The following ROR2 variants were observed in gnomAD, a reference collection of about 807,000 sequenced individuals.
ROR2 encodes ROR family WNT receptor 2.
A neutral mutation model predicts 74.9 loss-of-function variants in ROR2; 33 were observed. That is an observed-to-expected ratio of 0.44 (90% CI 0.33 to 0.59). The LOEUF (loss-of-function observed/expected upper bound fraction) is 0.59, where lower values mean the gene tolerates loss of function less well. Ranked by LOEUF, ROR2 falls within the 20% of genes least tolerant of loss-of-function variation. ROR2 has a pLI of 0.02. For missense variants in ROR2, 1,216 were observed against 1,313.8 expected, an observed-to-expected ratio of 0.93 and a Z score of 1.15; for synonymous variants, 586 against 558.7, an observed-to-expected ratio of 1.05 and a Z score of -0.69.
chr9:91,805,948 G>A (rs549557569), intron 1 of ROR2, among the ~76,000 whole-genome samples: 1 of 152,326 alleles, frequency 6.6e-6, no homozygotes, highest in African/African-American at 2.4e-5. Context: ...CAAAGCCTCA[G>A]TAAGTATATT....
intron 1 of ROR2, among the ~76,000 whole-genome samples, chr9:91,870,278 C>T (rs970441574): frequency 6.6e-6 from 1 of 152,140 alleles, no homozygotes; most frequent in Non-Finnish European, 1.5e-5. Flanking sequence ...CTTGACTGAT[C>T]CCAACTGTCC....
At chr9:91,791,240 T>C (rs1035967971) in intron 1 of ROR2, among the ~76,000 whole-genome samples, 1 of 152,212 alleles carries the variant, frequency 6.6e-6, no homozygotes, top group Non-Finnish European at 1.5e-5. Flanking sequence ...ACTTTTTCTA[T>C]ATTTAGATAC....
intron 1 of ROR2, among the ~76,000 whole-genome samples, chr9:91,890,998 T>C (rs1830406237): frequency 1.3e-5 from 2 of 152,220 alleles, no homozygotes; most frequent in South Asian, 2.1e-4. Flanking sequence ...TCTTTTAACA[T>C]AGTACCAGGG....
chr9:91,736,847 C>T (rs556537322), intron 5 of ROR2, among the ~76,000 whole-genome samples: 53 of 152,154 alleles, frequency 3.5e-4, no homozygotes, highest in Admixed American at 7.2e-4. Context: ...TACCCAAAGA[C>T]GTGGCTTTGT....
intron 1 of ROR2, among the ~76,000 whole-genome samples, chr9:91,822,558 T>C (rs1350666208): frequency 2.0e-5 from 3 of 152,162 alleles, no homozygotes; most frequent in Non-Finnish European, 4.4e-5. Context: ...TTCTTTTCAG[T>C]AGAAATGGCA....
intron 1 of ROR2, among the ~76,000 whole-genome samples, chr9:91,812,944 C>T (rs563926952): frequency 2.0e-5 from 3 of 152,244 alleles, no homozygotes; most frequent in Non-Finnish European, 4.4e-5. Context: ...CATCTGTCTC[C>T]TTACCGTAGA....
intron 1 of ROR2, among the ~76,000 whole-genome samples, chr9:91,838,062 G>A (rs1010422015): frequency 3.9e-5 from 6 of 152,248 alleles, no homozygotes; most frequent in Middle Eastern, 3.4e-3. Flanking sequence ...TTACTGCCTT[G>A]TCTGGGAGTT....
At chr9:91,868,030 T>A (rs1829693285) in intron 1 of ROR2, among the ~76,000 whole-genome samples, 1 of 152,018 alleles carries the variant, frequency 6.6e-6, no homozygotes, top group African/African-American at 2.4e-5. Flanking sequence ...AAAATCTCAA[T>A]CAATGGACAT....
chr9:91,941,804 T>C (rs1009471197), intron 1 of ROR2, among the ~76,000 whole-genome samples: 2 of 141,270 alleles, frequency 1.4e-5, no homozygotes, highest in Non-Finnish European at 3.1e-5. Flanking sequence ...TTCTCTTTCA[T>C]TTTTGAGACA....
chr9:91,803,843 T>G (rs76907237), intron 1 of ROR2, among the ~76,000 whole-genome samples: 15 of 152,366 alleles, frequency 9.8e-5, no homozygotes, highest in African/African-American at 3.6e-4. Flanking sequence ...TTTCAAGAAT[T>G]GCTTTGACTG....
chr9:91,740,489 T>C (rs1825191668), intron 4 of ROR2, among the ~76,000 whole-genome samples: 1 of 151,084 alleles, frequency 6.6e-6, no homozygotes, highest in African/African-American at 2.5e-5. Context: ...GAGGCGGAGC[T>C]TGCAGTGAGC....
rs1013885932 is a variant in ROR2 at position 91,897,895 on chromosome 9, G to A, written c.97+51972C>T. On this transcript the variant is annotated intron_variant, in intron 1 of 8. Transcript: ENST00000375708. Reference sequence around the variant, plus strand: ...TCATTGCATCCACCTGAGGATGTGTGGTGAGGAAGGTGGACATGTGGACAG... The same window carrying A: ...TCATTGCATCCACCTGAGGATGTGTAGTGAGGAAGGTGGACATGTGGACAG... 1.1e-4 allele frequency among the ~76,000 whole-genome samples: 16 copies of A among 152,156 alleles called. 1 individual carries two copies. The highest frequency in any genetic ancestry group is 3.9e-4 in the African/African-American group (16 of 41,444).
chr9:91,827,118 CATT>C (rs1452768554), intron 1 of ROR2, among the ~76,000 whole-genome samples: 3 of 152,126 alleles, frequency 2.0e-5, no homozygotes, highest in African/African-American at 7.2e-5. Context: ...CTTCCTGCTA[CATT>C]AACTTTTAAT....
chr9:91,798,274 T>C (rs1473238989), intron 1 of ROR2, among the ~76,000 whole-genome samples: 2 of 133,450 alleles, frequency 1.5e-5, no homozygotes, highest in East Asian at 5.0e-4. Context: ...GCTGACACCC[T>C]AGGCTCTGTG....
chr9:91,796,436 GA>G (rs907750118), intron 1 of ROR2, among the ~76,000 whole-genome samples: 5,293 of 87,724 alleles, frequency 0.06, 107 homozygotes, highest in Non-Finnish European at 0.094. Context: ...TTGTCCCAAG[GA>G]AAAAAAAAAA....
chr9:91,736,435 C>T (rs927158189), intron 5 of ROR2, among the ~76,000 whole-genome samples: 1 of 152,212 alleles, frequency 6.6e-6, no homozygotes, highest in Non-Finnish European at 1.5e-5. Flanking sequence ...TTTGCCCCAC[C>T]ACACTCTCCC....
chr9:91,892,216 A>G (rs1456406446), intron 1 of ROR2, among the ~76,000 whole-genome samples: 1 of 152,170 alleles, frequency 6.6e-6, no homozygotes, highest in Non-Finnish European at 1.5e-5. Flanking sequence ...GCCACACAAC[A>G]CAACCTAGTG....
At chr9:91,781,143 AG>A (rs1826606229) in intron 1 of ROR2, among the ~76,000 whole-genome samples, 1 of 152,230 alleles carries the variant, frequency 6.6e-6, no homozygotes. Flanking sequence ...TATTCACCAG[AG>A]CTTGGCATTC....
At chr9:91,928,030 G>A (rs1410281279) in intron 1 of ROR2, among the ~76,000 whole-genome samples, 1 of 152,040 alleles carries the variant, frequency 6.6e-6, no homozygotes, top group Non-Finnish European at 1.5e-5. Context: ...GGCCCACTGG[G>A]AGCTCGCCTT....
Sources: allele counts gnomAD v4.1 joint callset (sites outside exome capture counted in the v4.1 genomes callset), GRCh38; gene constraint gnomAD v4.1.1; transcripts MANE v1.5; gene names NCBI Gene and HGNC (gene_info 2026-07-23, HGNC 2026-07-21).